Variants in FRMD4B observed in about 807,000 individuals in gnomAD.
The protein encoded by FRMD4B is FERM domain containing 4B.
Under a neutral mutation model 141.5 loss-of-function variants are expected in FRMD4B, and 74 were observed. That is an observed-to-expected ratio of 0.52 (90% confidence interval 0.43 to 0.63). FRMD4B has a LOEUF of 0.63. FRMD4B is among the 30% of genes least tolerant of loss of function. The pLI is 0.00. For missense variants in FRMD4B, 1,366 were observed against 1,253.4 expected (o/e 1.09, Z -1.36); for synonymous variants, 506 against 467.9 (o/e 1.08, Z -1.05).
intron 1 of FRMD4B, among the ~76,000 whole-genome samples, chr3:69,469,306 G>C (rs1296778180): frequency 6.6e-6 from 1 of 152,142 alleles, no homozygotes; most frequent in Non-Finnish European, 1.5e-5. Flanking sequence ...AGCAGAGAGG[G>C]TTAATTTGAT....
At chr3:69,462,168 A>G (rs552035683) in intron 1 of FRMD4B, among the ~76,000 whole-genome samples, 98 of 152,264 alleles carry the variant, frequency 6.4e-4, no homozygotes, top group Non-Finnish European at 2.8e-4. Context: ...ATGCCAAAAC[A>G]TGGTGTCTTC....
chr3:69,508,353 C>T (rs987563526), intron 1 of FRMD4B, among the ~76,000 whole-genome samples: 4 of 152,168 alleles, frequency 2.6e-5, no homozygotes, highest in Non-Finnish European at 5.9e-5. Context: ...ATGTCTTCCA[C>T]TTTTAAAAAT....
chr3:69,536,125 T>C (rs534596668), intron 1 of FRMD4B: 233 of 489,330 alleles, frequency 4.8e-4, no homozygotes, highest in Non-Finnish European at 7.8e-4. Flanking sequence ...TCTCTGTGGC[T>C]GCACCTGGCT....
Position 69,419,440 on chromosome 3 carries a change from G to A in FRMD4B, c.-1+13194C>T, listed in dbSNP as rs76674199. Among the ~76,000 whole-genome samples, 1,587 of 152,086 alleles carry A rather than the reference G, an allele frequency of 0.01. 122 individuals carry two copies. The East Asian group carries it at 0.21, about 20-fold the overall frequency. On this transcript the variant is annotated intron_variant, in intron 2 of 5. Transcript: ENST00000459638. ...CACTCATAGGTCCAGGCTTATATTCGGCTCATTGAGCAACCCGTTGTGGAA... is the reference window on the plus strand; with the variant it reads ...CACTCATAGGTCCAGGCTTATATTCAGCTCATTGAGCAACCCGTTGTGGAA...
At chr3:69,405,074 A>G (rs1704627376) in intron 2 of FRMD4B, among the ~76,000 whole-genome samples, 1 of 152,232 alleles carries the variant, frequency 6.6e-6, no homozygotes, top group African/African-American at 2.4e-5. Context: ...TAATTTAAGC[A>G]ACCTGGAATT....
At chr3:69,207,761 T>C (rs571212291) in intron 11 of FRMD4B, among the ~76,000 whole-genome samples, 1 of 151,646 alleles carries the variant, frequency 6.6e-6, no homozygotes, top group Admixed American at 6.6e-5. Context: ...TGAGCCAAGA[T>C]CGGGCCAATG....
intron 12 of FRMD4B, chr3:69,198,327 G>C (rs2092929359): frequency 5.5e-6 from 1 of 182,724 alleles, no homozygotes; most frequent in Non-Finnish European, 1.1e-5. Context: ...ATGAAAAGAT[G>C]CTCAGCCATC....
chr3:69,186,314 T>C (rs999565503), intron 19 of FRMD4B, among the ~76,000 whole-genome samples: 6 of 146,720 alleles, frequency 4.1e-5, no homozygotes, highest in African/African-American at 1.3e-4. Context: ...GACATGATCA[T>C]AGTTCACTTC....
rs1245737638 is a variant in FRMD4B at position 69,181,119 on chromosome 3, C to G, written c.2631G>C (p.Arg877Ser). Residue 877 changes from arginine (R) to serine (S), a missense_variant, in exon 21 of 23, where the codon AGG becomes AGC. By Grantham distance (110) the Arg-to-Ser change is moderately radical. Transcript: ENST00000398540. ...HNPYATLRLPRKAAAKSEHIT... is the reference protein window; with the variant it reads ...HNPYATLRLPSKAAAKSEHIT... ...TGTGCTCCGATTTTGCAGCAGCCTTCCTTGGCAGCCGGAGAGTTGCATATG... is the reference window on the plus strand; with the variant it reads ...TGTGCTCCGATTTTGCAGCAGCCTTGCTTGGCAGCCGGAGAGTTGCATATG... The G allele has an allele frequency of 6.2e-7, 1 of 1,613,954 alleles. No homozygotes were observed.
intron 1 of FRMD4B, among the ~76,000 whole-genome samples, chr3:69,342,582 AG>A (rs1702775027): frequency 6.6e-6 from 1 of 152,216 alleles, no homozygotes; most frequent in African/African-American, 2.4e-5. Flanking sequence ...ATTAAACAAA[AG>A]TAACTGCCAC....
At chr3:69,460,286 C>T (rs950252538) in intron 1 of FRMD4B, among the ~76,000 whole-genome samples, 2 of 152,156 alleles carry the variant, frequency 1.3e-5, no homozygotes, top group Non-Finnish European at 1.5e-5. Flanking sequence ...GCCAGAGAAC[C>T]GACTGCTGTC....
At chr3:69,540,472 G>A (rs1296031177) in intron 1 of FRMD4B, among the ~76,000 whole-genome samples, 1 of 150,626 alleles carries the variant, frequency 6.6e-6, no homozygotes, top group Non-Finnish European at 1.5e-5. Context: ...AAATTAGCCA[G>A]GCGTGGTGGC....
At chr3:69,272,096 T>C (rs1490047655) in intron 5 of FRMD4B, among the ~76,000 whole-genome samples, 1 of 152,222 alleles carries the variant, frequency 6.6e-6, no homozygotes, top group African/African-American at 2.4e-5. Context: ...TCAATATCAG[T>C]CTTCTGATGA....
intron 2 of FRMD4B, among the ~76,000 whole-genome samples, chr3:69,409,917 T>G (rs888984469): frequency 6.6e-6 from 1 of 152,186 alleles, no homozygotes; most frequent in African/African-American, 2.4e-5. Context: ...CTTCAGGTTC[T>G]CAGTTACATG....
At chr3:69,461,139 CCT>C (rs566727937) in intron 1 of FRMD4B, among the ~76,000 whole-genome samples, 90 of 152,170 alleles carry the variant, frequency 5.9e-4, no homozygotes, top group Non-Finnish European at 1.1e-3. Flanking sequence ...TGTGATATCC[CCT>C]GTCAGTTCTT....
At chr3:69,478,166 T>C (rs1477554143) in intron 1 of FRMD4B, among the ~76,000 whole-genome samples, 18 of 151,126 alleles carry the variant, frequency 1.2e-4, no homozygotes, top group East Asian at 3.9e-4. Context: ...CTCCTGGATT[T>C]ATTGATTTTT....
Position 69,181,241 on chromosome 3 carries a change from G to A in FRMD4B, c.2509C>T (p.Pro837Ser), listed in dbSNP as rs367603851. The change falls in exon 21 of 23, where the codon CCT becomes TCT. Residue 837 changes from proline (P) to serine (S), a missense_variant. Physicochemically the swap from Pro to Ser is moderately conservative, Grantham distance 74. Coordinates refer to ENST00000398540, the MANE Select transcript of FRMD4B (RefSeq NM_015123.3). ...TAGTGGGCTGAGGACCGGTAGGAAG[G>A]GTTGACACTATACTGTCCCTCGGTG... ...NDTEGQYSVNPSYRSSAHYGY... is the reference protein window; with the variant it reads ...NDTEGQYSVNSSYRSSAHYGY... 1 of 1,613,624 alleles carries A rather than the reference G, an allele frequency of 6.2e-7. No individual in the cohort carries two copies. Among genetic ancestry groups the A allele is most frequent in the African/African-American group, 1.3e-5 (1 of 74,914 alleles).
At chr3:69,344,376 G>A (rs958272518) in intron 1 of FRMD4B, among the ~76,000 whole-genome samples, 1 of 152,206 alleles carries the variant, frequency 6.6e-6, no homozygotes, top group African/African-American at 2.4e-5. Flanking sequence ...GGAAAGGAAG[G>A]GAAAGAGGGA....
chr3:69,355,667 G>C (rs923779819), intron 1 of FRMD4B, among the ~76,000 whole-genome samples: 20 of 152,238 alleles, frequency 1.3e-4, no homozygotes, highest in South Asian at 4.1e-4. Flanking sequence ...CCAAATTAGG[G>C]GGGAGGCTGG....
Sources: allele counts gnomAD v4.1 joint callset (sites outside exome capture counted in the v4.1 genomes callset), GRCh38; gene constraint gnomAD v4.1.1; transcripts MANE v1.5; gene names NCBI Gene and HGNC (gene_info 2026-07-23, HGNC 2026-07-21).